CACNA1E: variants seen among roughly 807,000 people sequenced by gnomAD.
CACNA1E encodes the protein voltage-dependent R-type calcium channel subunit alpha-1E.
CACNA1E carries 40 observed loss-of-function variants against 259.2 expected under a neutral mutation model. The observed-to-expected ratio is 0.15, with a 90% CI of 0.12 to 0.20. The LOEUF is 0.20. CACNA1E is among the 10% of genes least tolerant of loss of function. The pLI is 1.00. For synonymous variants in CACNA1E, 1,104 were observed against 1,138.5 expected (o/e 0.97, Z 0.61); for missense variants, 1,874 against 3,040.1 (o/e 0.62, Z 9.02).
In CACNA1E at chr1:181,785,259, C is replaced by T. The variant is rs534921232; in HGVS notation, c.5579-59C>T. ...GAGTGGGTAACAAAGCTTAGAGGTT[C>T]CTCACTCTCTCCCATTATCTACTCC... On this transcript the variant is annotated intron_variant, in intron 41 of 47. Coordinates refer to ENST00000367573, the MANE Select transcript of CACNA1E (RefSeq NM_001205293.3). 291 of 960,748 alleles carry T rather than the reference C, an allele frequency of 3.0e-4. 3 individuals are homozygous for T. In the South Asian group the frequency reaches 3.8e-3, roughly 13 times the overall value. The allele number at this position is 960,748 out of a possible 1,614,324, so 59.5% of individuals were successfully genotyped here. A position where few individuals can be genotyped will look rare whatever the true frequency, so the allele number is the denominator to read the frequency against.
At chr1:181,332,242 A>T (rs1176484259) in intron 1 of CACNA1E, among the ~76,000 whole-genome samples, 1 of 152,220 alleles carries the variant, frequency 6.6e-6, no homozygotes, top group East Asian at 1.9e-4. Context: ...AAGGGAGAGC[A>T]TCAGGAAGAA....
intron 6 of CACNA1E, among the ~76,000 whole-genome samples, chr1:181,645,252 G>A (rs1452171022): frequency 6.6e-6 from 1 of 152,152 alleles, no homozygotes; most frequent in Non-Finnish European, 1.5e-5. Context: ...AGTGTGCCTA[G>A]GAAGGGACGT....
chr1:181,380,041 A>T lies in CACNA1E; in HGVS notation c.-14-33092A>T, dbSNP rs1371211757. Among the ~76,000 whole-genome samples the T allele has an allele frequency of 2.0e-5, 3 of 148,264 alleles. No homozygotes were observed. In the Admixed American group the frequency reaches 2.0e-4, roughly 10 times the overall value. On this transcript the variant is annotated intron_variant, in intron 1 of 11. Coordinates refer to the CACNA1E transcript ENST00000524607. ...TATATTTAAATATAATATGTATTTG[A>T]TATATATATTATAAAGCCTAAATCA... is the stretch of plus-strand genomic sequence containing the variant.
At chr1:181,757,449 G>A (rs1207885532) in intron 30 of CACNA1E, among the ~76,000 whole-genome samples, 1 of 152,208 alleles carries the variant, frequency 6.6e-6, no homozygotes, top group Non-Finnish European at 1.5e-5. Context: ...CTTGCTGTAA[G>A]GGCAGGGAAT....
chr1:181,359,823 C>T (rs558959723), intron 1 of CACNA1E, among the ~76,000 whole-genome samples: 1 of 152,250 alleles, frequency 6.6e-6, no homozygotes, highest in South Asian at 2.1e-4. Flanking sequence ...ATAATACATT[C>T]CTATTCTGCT....
At chr1:181,349,720 G>A (rs1304824441) in intron 1 of CACNA1E, among the ~76,000 whole-genome samples, 1 of 152,028 alleles carries the variant, frequency 6.6e-6, no homozygotes, top group East Asian at 1.9e-4. Context: ...AGGCTGCATA[G>A]GGAGGACTCA....
chr1:181,474,592 T>C (rs1273983984), intron 2 of CACNA1E, among the ~76,000 whole-genome samples: 1 of 152,262 alleles, frequency 6.6e-6, no homozygotes, highest in African/African-American at 2.4e-5. Context: ...CATTTTCATA[T>C]GTAATTCTTC....
chr1:181,505,935 C>CA (rs1170091628), intron 1 of CACNA1E, among the ~76,000 whole-genome samples: 3 of 152,226 alleles, frequency 2.0e-5, no homozygotes, highest in Non-Finnish European at 2.9e-5. Flanking sequence ...GTGAGTGAGG[C>CA]AGGCAAGGTC....
chr1:181,355,059 C>T (rs1321831056), intron 1 of CACNA1E, among the ~76,000 whole-genome samples: 2 of 152,202 alleles, frequency 1.3e-5, no homozygotes, highest in African/African-American at 2.4e-5. Context: ...GAGAAAGGTG[C>T]AAATTTCTCA....
chr1:181,367,338 C>A (rs1382094611), intron 1 of CACNA1E, among the ~76,000 whole-genome samples: 6 of 150,316 alleles, frequency 4.0e-5, no homozygotes, highest in Non-Finnish European at 7.4e-5. Flanking sequence ...TTTTTTTTTT[C>A]CTGTTTGGGT....
At position 181,511,353 on chromosome 1, in the gene CACNA1E, T is replaced by C. The variant is rs1295193513; in HGVS notation, c.373-18T>C. 5 of 1,613,758 alleles carry C rather than the reference T, an allele frequency of 3.1e-6. No homozygotes were observed. Among genetic ancestry groups the C allele is most frequent in the Non-Finnish European group, 4.2e-6 (5 of 1,179,786 alleles). ...ACAGTCCTCTTCTCACTGGTGCTTC[T>C]GCTCCTCATCCCCACAGGAGAAGAC... On this transcript the variant is annotated intron_variant, in intron 2 of 47. Transcript: ENST00000367573.
chr1:181,499,918 A>G (rs1364100069), intron 1 of CACNA1E, among the ~76,000 whole-genome samples: 1 of 152,144 alleles, frequency 6.6e-6, no homozygotes, highest in Non-Finnish European at 1.5e-5. Context: ...CTTGCAGGCT[A>G]TGGTGAAATA....
chr1:181,773,865 A>G (rs1388877740), intron 37 of CACNA1E, among the ~76,000 whole-genome samples: 3 of 152,250 alleles, frequency 2.0e-5, no homozygotes, highest in Non-Finnish European at 2.9e-5. Context: ...TGGAATTTTG[A>G]GACAGAGGGT....
chr1:181,513,795 G>T (rs1312288652), intron 3 of CACNA1E, among the ~76,000 whole-genome samples: 1 of 152,200 alleles, frequency 6.6e-6, no homozygotes, highest in African/African-American at 2.4e-5. Context: ...TGTCCAGGGG[G>T]TGTTCAAGAG....
intron 3 of CACNA1E, among the ~76,000 whole-genome samples, chr1:181,518,707 T>A (rs1410496258): frequency 6.6e-6 from 1 of 152,160 alleles, no homozygotes. Flanking sequence ...TTTTCTATAT[T>A]GAGATGCACC....
At chr1:181,436,508 A>C (rs1444788942) in intron 2 of CACNA1E, among the ~76,000 whole-genome samples, 1 of 152,236 alleles carries the variant, frequency 6.6e-6, no homozygotes, top group African/African-American at 2.4e-5. Flanking sequence ...TGGTGTGTAT[A>C]CACAATGAAA....
chr1:181,736,218 G>C, intron 21 of CACNA1E, 57 bp from the exon 22 acceptor site: 1 of 1,529,858 alleles, frequency 6.5e-7, no homozygotes, highest in Non-Finnish European at 8.8e-7. Context: ...AAACACAAAT[G>C]GTGCCATTTT....
At chr1:181,565,437 C>A (rs1412231479) in intron 3 of CACNA1E, among the ~76,000 whole-genome samples, 1 of 152,182 alleles carries the variant, frequency 6.6e-6, no homozygotes, top group East Asian at 1.9e-4. Flanking sequence ...AGCCAGTTTT[C>A]TTCTGGAAGA....
intron 3 of CACNA1E, among the ~76,000 whole-genome samples, chr1:181,547,248 C>T (rs1403457997): frequency 2.6e-5 from 4 of 152,116 alleles, no homozygotes; most frequent in Non-Finnish European, 2.9e-5. Flanking sequence ...CTCTGGCCAC[C>T]GATGCCACCT....
Sources: gnomAD v4.1 joint callset for allele counts (sites outside exome capture counted in the v4.1 genomes callset) on GRCh38, gnomAD v4.1.1 for gene constraint, MANE v1.5 for transcripts, NCBI Gene and HGNC (gene_info 2026-07-23, HGNC 2026-07-21) for gene names.